QRSL1: variants seen among roughly 807,000 people sequenced by gnomAD.
QRSL1 encodes glutamyl-tRNA(Gln) amidotransferase subunit A, mitochondrial.
A neutral mutation model predicts 61.6 loss-of-function variants in QRSL1; 54 were observed. The ratio of observed to expected loss-of-function variants is 0.88; its 90% CI spans 0.70 to 1.10. QRSL1 has a LOEUF of 1.10. QRSL1 is among the 50% of genes least tolerant of loss of function. The pLI, the probability that QRSL1 is intolerant of heterozygous loss-of-function variation, is 0.00. For missense variants in QRSL1, 505 were observed against 622.6 expected (o/e 0.81, Z 2.01); for synonymous variants, 228 against 225.7 (o/e 1.01, Z -0.09).
intron 1 of QRSL1, among the ~76,000 whole-genome samples, chr6:106,635,110 A>G (rs552036890): frequency 6.6e-6 from 1 of 152,128 alleles, no homozygotes; most frequent in South Asian, 2.1e-4. Flanking sequence ...GAGGCTAGGT[A>G]AGAGGATATA....
chr6:106,636,623 C>G (rs1776925795), intron 1 of QRSL1, among the ~76,000 whole-genome samples: 1 of 152,026 alleles, frequency 6.6e-6, no homozygotes, highest in Admixed American at 6.6e-5. Context: ...CCAGCCAGCT[C>G]TACTGCTTTT....
chr6:106,647,649 CTTT>C (rs35122457), intron 4 of QRSL1, among the ~76,000 whole-genome samples: 3 of 84,250 alleles, frequency 3.6e-5, no homozygotes, highest in African/African-American at 9.9e-5. Flanking sequence ...CCATAAAGTA[CTTT>C]TTTTTTTTTT....
intron 9 of QRSL1, among the ~76,000 whole-genome samples, chr6:106,660,253 C>T (rs534145887): frequency 6.6e-6 from 1 of 152,272 alleles, no homozygotes; most frequent in East Asian, 1.9e-4. Flanking sequence ...AGCCGGAGTG[C>T]ATTGGCATGA....
intron 7 of QRSL1, chr6:106,653,639 A>G (rs1454133908): frequency 6.6e-6 from 1 of 152,178 alleles, no homozygotes; most frequent in African/African-American, 2.4e-5. Context: ...CCTGGGCAAC[A>G]TACAGAGCCC....
chr6:106,648,837 T>A (rs1161422718), intron 4 of QRSL1, among the ~76,000 whole-genome samples, 188 bp from the exon 5 acceptor site: 1 of 152,238 alleles, frequency 6.6e-6, no homozygotes, highest in Non-Finnish European at 1.5e-5. Context: ...ATGCTCTTCC[T>A]TCCCATCCTC....
intron 1 of QRSL1, among the ~76,000 whole-genome samples, chr6:106,629,916 G>C (rs1776781525): frequency 6.6e-6 from 1 of 152,108 alleles, no homozygotes; most frequent in Admixed American, 6.6e-5. Flanking sequence ...TCTGCACCGC[G>C]GATCTGTAGG....
At chr6:106,636,387 T>C (rs1354139156) in intron 1 of QRSL1, among the ~76,000 whole-genome samples, 1 of 151,640 alleles carries the variant, frequency 6.6e-6, no homozygotes. Flanking sequence ...GTGGCACAAT[T>C]TTGGCTCACT....
intron 9 of QRSL1, among the ~76,000 whole-genome samples, chr6:106,662,745 T>A (rs1005197268): frequency 6.6e-6 from 1 of 152,164 alleles, no homozygotes; most frequent in Non-Finnish European, 1.5e-5. Flanking sequence ...TAAGCTCTGC[T>A]TCATCCCCAA....
At chr6:106,643,886 T>A (rs1777065205) in intron 4 of QRSL1, among the ~76,000 whole-genome samples, 1 of 151,948 alleles carries the variant, frequency 6.6e-6, no homozygotes, top group Admixed American at 6.5e-5. Flanking sequence ...CTTTTTTTTT[T>A]TTGAGACAGA....
At chr6:106,642,736 G>A in intron 3 of QRSL1, 1 of 743,680 alleles carries the variant, frequency 1.3e-6, no homozygotes, top group Non-Finnish European at 2.5e-6. Context: ...AGCACAGTAA[G>A]TACTGTAAGA....
At chr6:106,646,633 A>C (rs1175931063) in intron 4 of QRSL1, among the ~76,000 whole-genome samples, 1 of 148,376 alleles carries the variant, frequency 6.7e-6, no homozygotes, top group East Asian at 2.0e-4. Flanking sequence ...CCCTGTCTCT[A>C]CAGAAAAAAA....
At position 106,648,954 on chromosome 6, in the gene QRSL1, A is replaced by G. The variant is rs905031916; in HGVS notation, c.381-71A>G. ...TCAATGAGTGTCAGAAGCAAATAAT[A>G]TACTCAGAAGATGAAATTTTCACAT... On this transcript the variant is annotated intron_variant, in intron 4 of 10. Coordinates refer to ENST00000369046, the MANE Select transcript of QRSL1 (RefSeq NM_018292.5). 227 of 1,479,640 alleles carry G rather than the reference A, an allele frequency of 1.5e-4. 1 individual carries two copies. The highest frequency in any genetic ancestry group is 2.6e-4 in the Admixed American group (13 of 49,364). 91.7% of individuals were successfully genotyped at this position (1,479,640 alleles called of 1,614,324 possible). A position where few individuals can be genotyped will look rare whatever the true frequency, so the allele number is the denominator to read the frequency against.
chr6:106,663,212 T>C, intron 10 of QRSL1, 27 bp downstream of exon 10: 23 of 1,605,880 alleles, frequency 1.4e-5, no homozygotes, highest in Non-Finnish European at 2.0e-5. Flanking sequence ...AACATTCTGA[T>C]TTTCTTCAAA....
chr6:106,665,997 C>T lies in QRSL1; in HGVS notation c.1582C>T (p.Gln528Ter). The change falls in exon 11 of 11, where the codon CAG becomes TAG. Residue 528 changes from glutamine (Q) to a stop codon, truncating the protein, a stop_gained. Coordinates refer to ENST00000369046, the MANE Select transcript of QRSL1 (RefSeq NM_018292.5). LOFTEE classifies it high-confidence loss of function. ...AAAGTTAGCCTCTGTCTCTCTAAAA[C>T]AGTAAACATATCTTACAAATTAAAA... ...NEKLASVSLK[Q>*] The T allele has an allele frequency of 1.2e-6, 2 of 1,612,666 alleles. No individual in the cohort carries two copies. Among genetic ancestry groups the T allele is most frequent in the Non-Finnish European group, 1.7e-6 (2 of 1,178,768 alleles).
At chr6:106,640,129 G>A (rs1776994346) in intron 1 of QRSL1, 2 of 413,514 alleles carry the variant, frequency 4.8e-6, no homozygotes, top group African/African-American at 4.2e-5. Context: ...AGTTGGCTAA[G>A]GAGAAGAATG....
chr6:106,647,157 A>C (rs1169553864), intron 4 of QRSL1, among the ~76,000 whole-genome samples: 2 of 152,098 alleles, frequency 1.3e-5, no homozygotes, highest in South Asian at 4.1e-4. Flanking sequence ...TTTGCAAAAC[A>C]TGTATCTCAG....
At chr6:106,629,778 T>C (rs1011741883) in intron 1 of QRSL1, 73 bp downstream of exon 1, 39 of 1,549,256 alleles carry the variant, frequency 2.5e-5, no homozygotes, top group Non-Finnish European at 3.1e-5. Context: ...AAAGAGTCCC[T>C]GGGCCTTACC....
intron 4 of QRSL1, 126 bp from the exon 5 acceptor site, chr6:106,648,899 C>G (rs1777153308): frequency 1.1e-6 from 1 of 914,386 alleles, no homozygotes; most frequent in African/African-American, 1.7e-5. Flanking sequence ...CCACCTTTTT[C>G]AATTCAAGCT....
In QRSL1 at chr6:106,630,499, T is replaced by TA. The variant is rs759936350; in HGVS notation, c.24+795dup. Reference sequence around the variant, plus strand: ...CAGATATGGCTGGAATCTGCCCTCTTACGTTATTTCTGCTGTTATAGCTTT... The same window carrying TA: ...CAGATATGGCTGGAATCTGCCCTCTTAACGTTATTTCTGCTGTTATAGCTTT... On this transcript the variant is annotated intron_variant, in intron 1 of 10. Coordinates refer to ENST00000369046, the MANE Select transcript of QRSL1 (RefSeq NM_018292.5). Among the ~76,000 whole-genome samples the TA allele has an allele frequency of 9.2e-5, 14 of 152,360 alleles. No homozygotes were observed. In the East Asian group the frequency reaches 1.3e-3, roughly 15 times the overall value.
Sources: gnomAD v4.1 joint callset for allele counts (sites outside exome capture counted in the v4.1 genomes callset) on GRCh38, gnomAD v4.1.1 for gene constraint, MANE v1.5 for transcripts, NCBI Gene and HGNC (gene_info 2026-07-23, HGNC 2026-07-21) for gene names.